The following HERC3 variants were observed in gnomAD, a reference collection of about 807,000 sequenced individuals.
HERC3 encodes the protein HECT and RLD domain containing E3 ubiquitin protein ligase 3, also known as probable E3 ubiquitin-protein ligase HERC3.
A neutral mutation model predicts 129.9 loss-of-function variants in HERC3; 58 were observed. The ratio of observed to expected loss-of-function variants is 0.45; its 90% CI spans 0.36 to 0.56. HERC3 has a LOEUF of 0.56. HERC3 is among the 20% of genes least tolerant of loss of function. HERC3 has a pLI of 0.00. For synonymous variants in HERC3, 430 were observed against 451.0 expected, an observed-to-expected ratio of 0.95 and a Z score of 0.59; for missense variants, 835 against 1,244.2, an observed-to-expected ratio of 0.67 and a Z score of 4.95.
the HERC3 span, among the ~76,000 whole-genome samples, chr4:88,580,911 A>C: frequency 3.3e-5 from 5 of 152,334 alleles, no homozygotes; most frequent in Middle Eastern, 6.8e-3. Context: ...CAGAGAATCC[A>C]TGAATACTCC....
the HERC3 span, among the ~76,000 whole-genome samples, chr4:88,540,654 C>T: frequency 2.6e-4 from 40 of 152,220 alleles, no homozygotes; most frequent in African/African-American, 9.4e-4. Context: ...TCAGATTCAC[C>T]AAGGTTGAAA....
At chr4:88,588,270 T>C (rs1208505516), upstream of HERC3, among the ~76,000 whole-genome samples, 1 of 152,218 alleles carries the variant, frequency 6.6e-6, no homozygotes, top group East Asian at 1.9e-4. Flanking sequence ...GTGGAACATA[T>C]TCAATAATAT....
At chr4:88,655,327 T>G in intron 8 of HERC3, 23 bp downstream of exon 8, 1 of 1,612,056 alleles carries the variant, frequency 6.2e-7, no homozygotes, top group Non-Finnish European at 8.5e-7. Context: ...CAAAGCTTGC[T>G]TGTATTCACT....
At chr4:88,677,861 A>G in intron 18 of HERC3, 103 bp from the exon 19 acceptor site, 1 of 954,312 alleles carries the variant, frequency 1.0e-6, no homozygotes, top group Non-Finnish European at 1.6e-6. Flanking sequence ...AATTAACAAA[A>G]TGGAGATGCA....
the HERC3 span, among the ~76,000 whole-genome samples, chr4:88,539,577 G>A: frequency 1.3e-5 from 2 of 152,116 alleles, no homozygotes; most frequent in African/African-American, 2.4e-5. Flanking sequence ...GTGGCACGGC[G>A]TTTGAGCTCT....
At chr4:88,540,045 G>A in the HERC3 span, among the ~76,000 whole-genome samples, 2 of 152,158 alleles carry the variant, frequency 1.3e-5, no homozygotes, top group Admixed American at 6.5e-5. Flanking sequence ...CCAAAGGATC[G>A]CAGCTTCTTG....
chr4:88,687,388 A>T, intron 23 of HERC3, 89 bp downstream of exon 23: 1 of 716,278 alleles, frequency 1.4e-6, no homozygotes, highest in Non-Finnish European at 2.2e-6. Context: ...TTACTTTTTA[A>T]TATTAATACC....
chr4:88,552,418 A>T, the HERC3 span, among the ~76,000 whole-genome samples: 3 of 151,948 alleles, frequency 2.0e-5, no homozygotes, highest in African/African-American at 7.3e-5. Flanking sequence ...ATGCGTGGCT[A>T]ATTTTTGTAT....
chr4:88,563,728 C>T, the HERC3 span, among the ~76,000 whole-genome samples: 1 of 150,236 alleles, frequency 6.7e-6, no homozygotes, highest in South Asian at 2.1e-4. Context: ...GGCATGATCT[C>T]GGCTCACAGC....
At chr4:88,615,600 A>G (rs984983185) in intron 3 of HERC3, among the ~76,000 whole-genome samples, 6 of 152,198 alleles carry the variant, frequency 3.9e-5, no homozygotes, top group African/African-American at 1.4e-4. Flanking sequence ...AGCATGGACT[A>G]GCTGTGTGAC....
chr4:88,568,439 A>ACATGGTGCTGTATTCTACTGTATTACATG, the HERC3 span, among the ~76,000 whole-genome samples: 10 of 152,194 alleles, frequency 6.6e-5, no homozygotes, highest in African/African-American at 2.4e-4. Flanking sequence ...TGGGAACTTT[A>ACATGGTGCTGTATTCTACTGTATTACATG]GGAATCTACA....
At chr4:88,693,219 A>G in intron 23 of HERC3, 1 of 979,934 alleles carries the variant, frequency 1.0e-6, no homozygotes, top group Non-Finnish European at 1.2e-6. Context: ...ACCATTTTTA[A>G]TAAGACTATA....
At chr4:88,663,045 A>G (rs1444407108) in intron 11 of HERC3, among the ~76,000 whole-genome samples, 1 of 152,024 alleles carries the variant, frequency 6.6e-6, no homozygotes, top group Admixed American at 6.5e-5. Context: ...GCTTTTATCA[A>G]ATTTAAAGGA....
upstream of HERC3, among the ~76,000 whole-genome samples, chr4:88,588,192 G>C (rs1275729538): frequency 6.6e-6 from 1 of 152,226 alleles, no homozygotes; most frequent in African/African-American, 2.4e-5. Context: ...GGAAGATAGA[G>C]AAATAATCAT....
chr4:88,568,801 G>T, the HERC3 span, among the ~76,000 whole-genome samples: 2 of 151,946 alleles, frequency 1.3e-5, no homozygotes, highest in African/African-American at 2.4e-5. Flanking sequence ...TTTTCCTGGT[G>T]CCCTCTTCCA....
chr4:88,626,417 T>C (rs1392839182), intron 3 of HERC3, among the ~76,000 whole-genome samples: 1 of 152,182 alleles, frequency 6.6e-6, no homozygotes, highest in Non-Finnish European at 1.5e-5. Context: ...AGAGTCACTG[T>C]TGAAGCCATC....
At chr4:88,549,119 T>A in the HERC3 span, among the ~76,000 whole-genome samples, 36 of 152,210 alleles carry the variant, frequency 2.4e-4, no homozygotes, top group African/African-American at 8.2e-4. Flanking sequence ...CATGGTTTTA[T>A]CTCTTACATT....
chr4:88,548,738 G>A, the HERC3 span, among the ~76,000 whole-genome samples: 2 of 151,482 alleles, frequency 1.3e-5, no homozygotes. Flanking sequence ...TCGGCTCATG[G>A]CAACCTCTGC....
the HERC3 span, among the ~76,000 whole-genome samples, chr4:88,549,772 T>C: frequency 6.6e-6 from 1 of 151,858 alleles, no homozygotes; most frequent in Non-Finnish European, 1.5e-5. Context: ...TGTCGCAATA[T>C]TGGTTCACTG....
Sources: gnomAD v4.1 joint callset for allele counts (sites outside exome capture counted in the v4.1 genomes callset) on GRCh38, gnomAD v4.1.1 for gene constraint, MANE v1.5 for transcripts, NCBI Gene and HGNC (gene_info 2026-07-23, HGNC 2026-07-21) for gene names.